Variants in NEURL4 observed in about 807,000 individuals in gnomAD.
NEURL4 encodes neuralized E3 ubiquitin protein ligase 4.
A neutral mutation model predicts 148.0 loss-of-function variants in NEURL4; 45 were observed. The ratio of observed to expected loss-of-function variants is 0.30; its 90% confidence interval spans 0.24 to 0.39. The LOEUF is 0.39. NEURL4 is among the 10% of genes least tolerant of loss of function. The probability of loss-of-function intolerance (pLI) is 1.00; values close to 1 mark genes in which losing one functional copy is unlikely to be tolerated. For missense variants in NEURL4, 1,776 were observed against 2,144.0 expected (o/e 0.83, Z 3.39); for synonymous variants, 854 against 869.0 (o/e 0.98, Z 0.30).
Position 7,327,194 on chromosome 17 carries a change from G to A in NEURL4, c.764C>T (p.Thr255Met), listed in dbSNP as rs766371638. 4.6e-5 allele frequency: 74 copies of A among 1,612,148 alleles called. No individual in the cohort carries two copies. Among genetic ancestry groups the A allele is most frequent in the Non-Finnish European group, 5.6e-5 (66 of 1,179,836 alleles). ...ATGCGACTCAAGGCTGTTAGGAAAC[G>A]TCTCCGGCCGGGCCTGCGCTGGGGA... ...MVSPAQARPE[T>M]FPNSLESHND... The change falls in exon 3 of 29, where the codon ACG (threonine) becomes ATG (methionine). Residue 255 changes from threonine (T) to methionine (M), a missense_variant. Transcript: ENST00000399464. The surrounding 1 kb of genome is among the most constrained non-coding windows in gnomAD (Gnocchi z 6.6).
At position 7,318,915 on chromosome 17, in the gene NEURL4, C is replaced by T; in HGVS notation, c.3684+135G>A. 1 of 1,049,154 alleles carries T rather than the reference C, an allele frequency of 9.5e-7. No homozygotes were observed. The highest frequency in any genetic ancestry group is 1.4e-6 in the Non-Finnish European group (1 of 728,880). 65.0% of individuals were successfully genotyped at this position (1,049,154 alleles called of 1,614,324 possible). ...AGACTGACCAGGCAATGCTACTCGC[C>T]CTTGCCTGCCCATTACTGTTCCCCT... On this transcript the variant is annotated intron_variant, in intron 22 of 28. Transcript: ENST00000399464. The surrounding 1 kb of genome is among the most constrained non-coding windows in gnomAD (Gnocchi z 4.3).
Position 7,322,721 on chromosome 17 carries a change from C to T in NEURL4, c.2725+14G>A, listed in dbSNP as rs2073049221. ...GCAAGCAGAGCCCGTCCAGCCCCCG[C>T]CCTGCTGCCGCACCTGGGGAGTGCA... is the stretch of plus-strand genomic sequence containing the variant. On this transcript the variant is annotated intron_variant, in intron 16 of 28. Coordinates refer to ENST00000399464, the MANE Select transcript of NEURL4 (RefSeq NM_032442.3). The surrounding 1 kb of genome is among the most constrained non-coding windows in gnomAD (Gnocchi z 5.5). The T allele has an allele frequency of 6.2e-7, 1 of 1,608,520 alleles. No individual in the cohort carries two copies.
Position 7,327,525 on chromosome 17 carries a change from A to G in NEURL4, c.642T>C (p.Pro214=), listed in dbSNP as rs1023910728. ...VLPPEPGFSP[P]TPIPTPPLEP... Reference sequence around the variant, plus strand: ...CGAGGGGAGGTGTGGGGATGGGAGTAGGGGGGCTGAAGCCTGGCTCAGGGG... The same window carrying G: ...CGAGGGGAGGTGTGGGGATGGGAGTGGGGGGGCTGAAGCCTGGCTCAGGGG... Residue 214 remains proline, a synonymous_variant, in exon 2 of 29, where the codon CCT becomes CCC. Coordinates refer to ENST00000399464, the MANE Select transcript of NEURL4 (RefSeq NM_032442.3). This position sits in a 1 kb window ranked among gnomAD's most constrained non-coding sequence, Gnocchi z 6.6. 1 of 1,605,802 alleles carries G rather than the reference A, an allele frequency of 6.2e-7. No homozygotes were observed. The highest frequency in any genetic ancestry group is 8.5e-7 in the Non-Finnish European group (1 of 1,175,834).
At position 7,326,891 on chromosome 17, in the gene NEURL4, G is replaced by A. The variant is rs997034020; in HGVS notation, c.912C>T (p.Ser304=). Residue 304 remains serine, a synonymous_variant, in exon 4 of 29, where the codon AGC becomes AGT. Coordinates refer to ENST00000399464, the MANE Select transcript of NEURL4 (RefSeq NM_032442.3). This position sits in a 1 kb window ranked among gnomAD's most constrained non-coding sequence, Gnocchi z 6.0. ...SPPAGEGLGS[S]GAATSPILTS... ...TGAGAATGGGCGAGGTGGCAGCACC[G>A]CTAGATCCCAGGCCTTCCCCTGCCG... 6.8e-6 allele frequency: 11 copies of A among 1,613,880 alleles called. No homozygotes were observed. The highest frequency in any genetic ancestry group is 6.7e-5 in the Admixed American group (4 of 59,992).
rs201426256 is a variant in NEURL4 at position 7,322,955 on chromosome 17, C to T, written c.2586G>A (p.Pro862=). 12 of 1,613,316 alleles carry T rather than the reference C, an allele frequency of 7.4e-6. No homozygotes were observed. The highest frequency in any genetic ancestry group is 6.7e-5 in the African/African-American group (5 of 74,896). Residue 862 remains proline (P), a synonymous_variant, in exon 15 of 29, where the codon CCG becomes CCA. Transcript: ENST00000399464. This position sits in a 1 kb window ranked among gnomAD's most constrained non-coding sequence, Gnocchi z 5.5. ...TGAAAGCCACATAGTCACCTTTACC[C>T]GGAGGCAGGCCCGAGCAGGCAGCGC... The part of the protein sequence containing the change: ...DQGAACSGLP[P]GKEVYAVVDL...
intron 26 of NEURL4, 42 bp from the exon 27 acceptor site, chr17:7,317,615 G>T: frequency 6.3e-7 from 1 of 1,591,210 alleles, no homozygotes; most frequent in South Asian, 1.1e-5. Context: ...GAAGGCCACT[G>T]ACTCCCCAGT....
Position 7,321,434 on chromosome 17 carries a change from C to T in NEURL4, c.3125G>A (p.Arg1042Gln), listed in dbSNP as rs753737197. The change falls in exon 19 of 29, where the codon CGG (arginine) becomes CAG (glutamine). Residue 1042 changes from arginine (R) to glutamine (Q), a missense_variant. Coordinates refer to ENST00000399464, the MANE Select transcript of NEURL4 (RefSeq NM_032442.3). This position sits in a 1 kb window ranked among gnomAD's most constrained non-coding sequence, Gnocchi z 6.3. The stretch of plus-strand genomic sequence containing the variant: ...GATGTGCATCGTGTCATCTGCCCCC[C>T]GACGAACACCCACACGGCTCCCCAC... The part of the protein sequence containing the change: ...LGVGSRVGVR[R>Q]GADDTMHILV... The T allele has an allele frequency of 1.1e-5, 17 of 1,614,016 alleles. No homozygotes were observed. Among genetic ancestry groups the T allele is most frequent in the Non-Finnish European group, 1.4e-5 (16 of 1,180,042 alleles).
Position 7,326,966 on chromosome 17 carries a change from G to C in NEURL4, c.837C>G (p.Ile279Met). 2 of 1,613,174 alleles carry C rather than the reference G, an allele frequency of 1.2e-6. No homozygotes were observed. Among genetic ancestry groups the C allele is most frequent in the Non-Finnish European group, 1.7e-6 (2 of 1,180,000 alleles). ...GGAGCCCTCCATTGTAGGCAGACAG[G>C]ATGGTGTTGCTCACCACCTCAGACA... is the stretch of plus-strand genomic sequence containing the variant. ...MELSEVVSNT[I>M]LSAYNGGLLN... Residue 279 changes from isoleucine to methionine, a missense_variant, in exon 4 of 29, where the codon ATC becomes ATG. By Grantham distance (10) the Ile-to-Met change is conservative (BLOSUM62 1). Transcript: ENST00000399464. This position sits in a 1 kb window ranked among gnomAD's most constrained non-coding sequence, Gnocchi z 6.0.
chr17:7,321,684 G>C lies in NEURL4; in HGVS notation c.2975C>G (p.Pro992Arg). 6.2e-7 allele frequency: 1 copy of C among 1,613,680 alleles called. No individual in the cohort carries two copies. Among genetic ancestry groups the C allele is most frequent in the Non-Finnish European group, 8.5e-7 (1 of 1,180,014 alleles). The change falls in exon 18 of 29, where the codon CCA (proline) becomes CGA (arginine). Residue 992 changes from proline to arginine, a missense_variant. Pro to Arg is a moderately radical substitution (Grantham distance 103). Coordinates refer to ENST00000399464, the MANE Select transcript of NEURL4 (RefSeq NM_032442.3). This position sits in a 1 kb window ranked among gnomAD's most constrained non-coding sequence, Gnocchi z 6.3. Reference sequence around the variant, plus strand: ...CTCTGGCAGGGAAGGAGGCAGCCCTGGGCCACCACCGCCTGCCCCGGGTCC... The same window carrying C: ...CTCTGGCAGGGAAGGAGGCAGCCCTCGGCCACCACCGCCTGCCCCGGGTCC... ...EMGPGAGGGG[P>R]GLPPSLPELR...
rs759269957 is a variant in NEURL4 at position 7,324,291 on chromosome 17, G to A, written c.1900-21C>T. 2.1e-5 allele frequency: 34 copies of A among 1,613,376 alleles called. No individual in the cohort carries two copies. In the Admixed American group the frequency reaches 5.0e-4, roughly 24 times the overall value. ...CCTGCCTTGGAAGAAGGGGGTGCTG[G>A]AGTGAGGAGTCAGGCAGAGTTCCTG... On this transcript the variant is annotated intron_variant, in intron 10 of 28. Coordinates refer to ENST00000399464, the MANE Select transcript of NEURL4 (RefSeq NM_032442.3). This position sits in a 1 kb window ranked among gnomAD's most constrained non-coding sequence, Gnocchi z 5.9.
rs906014867 is a variant in NEURL4, at chr17:7,322,574, TC to T, written c.2725+160del. Among the ~76,000 whole-genome samples the T allele has an allele frequency of 3.6e-4, 55 of 152,092 alleles. No individual in the cohort carries two copies. Among genetic ancestry groups the T allele is most frequent in the African/African-American group, 1.2e-3 (51 of 41,480 alleles). ...CAGGCTCTAAGTACCAGGTGTAACC[TC>T]CCCCTCACTGGCTGCTTGCCACCGT... On this transcript the variant is annotated intron_variant, in intron 16 of 28. Coordinates refer to ENST00000399464, the MANE Select transcript of NEURL4 (RefSeq NM_032442.3). The surrounding 1 kb of genome is among the most constrained non-coding windows in gnomAD (Gnocchi z 5.5).
chr17:7,319,737 A>G lies in NEURL4; in HGVS notation c.3526-529T>C, dbSNP rs1440444354. Among the ~76,000 whole-genome samples the G allele has an allele frequency of 2.7e-5, 4 of 148,334 alleles. No homozygotes were observed. The East Asian group carries it at 8.0e-4, about 30-fold the overall frequency. On this transcript the variant is annotated intron_variant, in intron 21 of 28. Coordinates refer to ENST00000399464, the MANE Select transcript of NEURL4 (RefSeq NM_032442.3). ...AAAAACAAAAAAACAAAAAAAAAAC[A>G]TGCTGTTTGAGCCTTGACCTTGCTG...
In NEURL4 at chr17:7,324,558, C is replaced by T. The variant is rs2073076470; in HGVS notation, c.1814-78G>A. The T allele has an allele frequency of 1.5e-6, 2 of 1,346,478 alleles. No homozygotes were observed. The highest frequency in any genetic ancestry group is 1.4e-5 in the African/African-American group (1 of 69,476). 83.4% of individuals were successfully genotyped at this position (1,346,478 alleles called of 1,614,324 possible). A position where few individuals can be genotyped will look rare whatever the true frequency, so the allele number is the denominator to read the frequency against. On this transcript the variant is annotated intron_variant, in intron 9 of 28. Transcript: ENST00000399464. This position sits in a 1 kb window ranked among gnomAD's most constrained non-coding sequence, Gnocchi z 5.9. ...CCTTGCCACAGCAGCGCCCACAGGA[C>T]TCCCGAGCCCACAGTCCACCTTGCC...
At chr17:7,319,274 CAG>C (rs2072994277) in intron 21 of NEURL4, 66 bp from the exon 22 acceptor site, 6 of 1,456,150 alleles carry the variant, frequency 4.1e-6, no homozygotes, top group Non-Finnish European at 4.7e-6. Flanking sequence ...GCACCCCAGC[CAG>C]AGAGGGAATA....
At position 7,327,204 on chromosome 17, in the gene NEURL4, G is replaced by A. The variant is rs757596790; in HGVS notation, c.754C>T (p.Arg252Trp). ...EAFMVSPAQA[R>W]PETFPNSLES... ...AGGCTGTTAGGAAACGTCTCCGGCC[G>A]GGCCTGCGCTGGGGACACCATGAAG... The change falls in exon 3 of 29, where the codon CGG (arginine) becomes TGG (tryptophan). Residue 252 changes from arginine (R) to tryptophan (W), a missense_variant. Physicochemically the swap from Arg to Trp is moderately radical, Grantham distance 101 (BLOSUM62 -3). Transcript: ENST00000399464. This position sits in a 1 kb window ranked among gnomAD's most constrained non-coding sequence, Gnocchi z 6.6. The A allele has an allele frequency of 2.7e-5, 43 of 1,611,810 alleles. No individual in the cohort carries two copies. Among genetic ancestry groups the A allele is most frequent in the Non-Finnish European group, 3.1e-5 (37 of 1,179,780 alleles).
intron 28 of NEURL4, among the ~76,000 whole-genome samples, chr17:7,316,595 TTC>T (rs1265004633): frequency 2.6e-5 from 4 of 152,202 alleles, no homozygotes; most frequent in East Asian, 1.9e-4. Context: ...GCCCCATTCT[TTC>T]TCTGTTTCCA....
At position 7,321,526 on chromosome 17, in the gene NEURL4, AC is replaced by A; in HGVS notation, c.3099+33del. On this transcript the variant is annotated intron_variant, in intron 18 of 28. Coordinates refer to ENST00000399464, the MANE Select transcript of NEURL4 (RefSeq NM_032442.3). This position sits in a 1 kb window ranked among gnomAD's most constrained non-coding sequence, Gnocchi z 6.3. ...CCTCTCCCTGCCACCTCCACTCCCA[AC>A]CCCTCCCCTGTCCCTGGAGCCAGCC... is the stretch of plus-strand genomic sequence containing the variant. 1 of 1,609,450 alleles carries A rather than the reference AC, an allele frequency of 6.2e-7. No homozygotes were observed.
Position 7,324,252 on chromosome 17 carries a change from C to T in NEURL4, c.1918G>A (p.Val640Met), listed in dbSNP as rs781740398. 4.3e-6 allele frequency: 7 copies of T among 1,614,002 alleles called. No homozygotes were observed. Among genetic ancestry groups the T allele is most frequent in the Admixed American group, 1.7e-5 (1 of 60,026 alleles). ...AGAGTCCCGTCCTCCCGCCGTACCACGCCCACCGTGTCCCCTGCCTTGGAA... is the reference window on the plus strand; with the variant it reads ...AGAGTCCCGTCCTCCCGCCGTACCATGCCCACCGTGTCCCCTGCCTTGGAA... ...DRLKAGDTVG[V>M]VRREDGTLHF... Residue 640 changes from valine to methionine, a missense_variant, in exon 11 of 29, where the codon GTG becomes ATG. Coordinates refer to ENST00000399464, the MANE Select transcript of NEURL4 (RefSeq NM_032442.3). The surrounding 1 kb of genome is among the most constrained non-coding windows in gnomAD (Gnocchi z 5.9).
rs2072938554 is a variant in NEURL4 at position 7,316,035 on chromosome 17, G to C, written c.*88C>G. On this transcript the variant is annotated 3_prime_UTR_variant, in exon 29 of 29. Coordinates refer to ENST00000399464, the MANE Select transcript of NEURL4 (RefSeq NM_032442.3). ...AAGCTCCAGCACCTGCGCATGCCAC[G>C]AGTCACGGGAATGAGGTGGAGGCAG... The C allele has an allele frequency of 8.9e-6, 7 of 789,634 alleles. No individual in the cohort carries two copies. The South Asian group carries it at 9.9e-5, about 11-fold the overall frequency. The allele number at this position is 789,634 out of a possible 1,614,324, so 48.9% of individuals were successfully genotyped here.
Sources: gnomAD v4.1 joint callset for allele counts (sites outside exome capture counted in the v4.1 genomes callset) on GRCh38, gnomAD v4.1.1 for gene constraint, Gnocchi (gnomAD v3.1) non-coding constraint, MANE v1.5 for transcripts, NCBI Gene and HGNC (gene_info 2026-07-23, HGNC 2026-07-21) for gene names.